Variants in LDLRAP1 observed in about 807,000 individuals in gnomAD.
The protein encoded by LDLRAP1 is low density lipoprotein receptor adaptor protein 1.
In LDLRAP1, 30 loss-of-function variants were observed where a neutral mutation model predicts 37.8. The observed-to-expected ratio is 0.79, with a 90% CI of 0.59 to 1.08. The LOEUF is 1.08. Ranked by LOEUF, LDLRAP1 falls within the 50% of genes least tolerant of loss-of-function variation. The pLI is 0.00. For synonymous variants in LDLRAP1, 156 were observed against 169.8 expected (o/e 0.92, Z 0.63); for missense variants, 375 against 401.6 (o/e 0.93, Z 0.57).
the LDLRAP1 span, among the ~76,000 whole-genome samples, chr1:25,585,765 C>G: frequency 1.3e-5 from 2 of 152,318 alleles, no homozygotes; most frequent in East Asian, 3.9e-4. Flanking sequence ...TTTCTACTGC[C>G]TACTCCTGGG....
At chr1:25,553,677 A>T (rs1304411985) in intron 1 of LDLRAP1, 1 of 502,986 alleles carries the variant, frequency 2.0e-6, no homozygotes, top group Non-Finnish European at 3.6e-6. Context: ...AGGCAGAGGC[A>T]GGAGAATCGC....
intron 4 of LDLRAP1, among the ~76,000 whole-genome samples, chr1:25,560,093 T>G (rs1572046237): frequency 6.6e-6 from 1 of 150,952 alleles, no homozygotes; most frequent in African/African-American, 2.4e-5. Flanking sequence ...GGGTGGGGAG[T>G]GCACACCAGC....
chr1:25,549,139 A>G (rs995222153), intron 1 of LDLRAP1, among the ~76,000 whole-genome samples: 2 of 152,270 alleles, frequency 1.3e-5, no homozygotes, highest in Non-Finnish European at 2.9e-5. Flanking sequence ...GACTTCTGAA[A>G]TTTTCCTAGT....
At chr1:25,545,576 A>G (rs1025501548) in intron 1 of LDLRAP1, among the ~76,000 whole-genome samples, 5 of 151,882 alleles carry the variant, frequency 3.3e-5, no homozygotes, top group Non-Finnish European at 5.9e-5. Flanking sequence ...CTGTGGTGAG[A>G]TGGGTTTTGG....
chr1:25,583,191 G>GT, the LDLRAP1 span, among the ~76,000 whole-genome samples: 2 of 146,486 alleles, frequency 1.4e-5, no homozygotes. Flanking sequence ...CTTTTTTGGG[G>GT]ATTTTTTTTT....
downstream of LDLRAP1, among the ~76,000 whole-genome samples, chr1:25,570,008 G>T (rs2044581779): frequency 6.6e-6 from 1 of 152,220 alleles, no homozygotes; most frequent in Admixed American, 6.5e-5. Context: ...CCACTCTCCG[G>T]AGATTCCCCA....
the LDLRAP1 span, among the ~76,000 whole-genome samples, chr1:25,579,291 C>A: frequency 5.3e-5 from 8 of 152,166 alleles, no homozygotes; most frequent in African/African-American, 1.7e-4. Context: ...AGATCTGCAC[C>A]AGGATCCACC....
the LDLRAP1 span, among the ~76,000 whole-genome samples, chr1:25,583,189 G>T: frequency 6.7e-6 from 1 of 149,820 alleles, no homozygotes; most frequent in Non-Finnish European, 1.5e-5. Flanking sequence ...GGCTTTTTTG[G>T]GGATTTTTTT....
chr1:25,573,887 T>C, the LDLRAP1 span, among the ~76,000 whole-genome samples: 2 of 152,184 alleles, frequency 1.3e-5, no homozygotes, highest in African/African-American at 2.4e-5. Context: ...ATGCCAGGCG[T>C]CTGGAACATG....
chr1:25,577,546 G>C, the LDLRAP1 span, among the ~76,000 whole-genome samples: 1 of 152,190 alleles, frequency 6.6e-6, no homozygotes, highest in Non-Finnish European at 1.5e-5. Context: ...GATGAGCGTC[G>C]AGCCTGGTGT....
chr1:25,579,455 C>T, the LDLRAP1 span, among the ~76,000 whole-genome samples: 1 of 152,230 alleles, frequency 6.6e-6, no homozygotes, highest in Non-Finnish European at 1.5e-5. Context: ...AGCTCAGCTG[C>T]CGCTGTCACG....
At position 25,562,501 on chromosome 1, in the gene LDLRAP1, G is replaced by A. The variant is rs145238314; in HGVS notation, c.460-143G>A. On this transcript the variant is annotated intron_variant, in intron 4 of 8. Transcript: ENST00000374338. ...GCCAGGACCCTGCTCTGCCCAGCAG[G>A]CATTCCAGAGCCTGGGATGGAGCTG... 1.0e-3 allele frequency: 724 copies of A among 709,466 alleles called. 7 individuals carry two copies. The African/African-American group carries it at 0.011, about 11-fold the overall frequency. The allele number at this position is 709,466 out of a possible 1,614,324, so 43.9% of individuals were successfully genotyped here. A position where few individuals can be genotyped will look rare whatever the true frequency, so the allele number is the denominator to read the frequency against.
chr1:25,566,964 C>T lies in LDLRAP1; in HGVS notation c.899C>T (p.Thr300Ile). The change falls in exon 9 of 9, where the codon ACA (threonine) becomes ATA (isoleucine). Residue 300 changes from threonine to isoleucine, a missense_variant. By Grantham distance (89) the Thr-to-Ile change is moderately conservative. Coordinates refer to ENST00000374338, the MANE Select transcript of LDLRAP1 (RefSeq NM_015627.3). The stretch of plus-strand genomic sequence containing the variant: ...TGGGACAAGCCTGACAGCAGCGGCA[C>T]AGAGCAGGATGACCTCTTCAGCTTC... ...VDWDKPDSSG[T>I]EQDDLFSF is the part of the protein sequence containing the mutation. 1 of 1,613,532 alleles carries T rather than the reference C, an allele frequency of 6.2e-7. No homozygotes were observed. Among genetic ancestry groups the T allele is most frequent in the Non-Finnish European group, 8.5e-7 (1 of 1,180,024 alleles).
chr1:25,557,287 G>T lies in LDLRAP1; in HGVS notation c.459+20G>T. On this transcript the variant is annotated intron_variant, in intron 4 of 8. Transcript: ENST00000374338. ...AAGATGGTCAGCGGGGAGGGCTGGG[G>T]CGGGGACAGGGTCCAGTGGCCTTGG... 2 of 1,586,836 alleles carry T rather than the reference G, an allele frequency of 1.3e-6. No individual in the cohort carries two copies. The highest frequency in any genetic ancestry group is 1.7e-6 in the Non-Finnish European group (2 of 1,155,068).
intron 4 of LDLRAP1, among the ~76,000 whole-genome samples, chr1:25,558,825 G>A (rs909117567): frequency 6.6e-6 from 1 of 152,172 alleles, no homozygotes; most frequent in Non-Finnish European, 1.5e-5. Flanking sequence ...CGGGTCTCAG[G>A]GATTAGGATG....
intron 4 of LDLRAP1, among the ~76,000 whole-genome samples, chr1:25,559,043 T>C (rs569760349): frequency 6.6e-6 from 1 of 152,314 alleles, no homozygotes; most frequent in South Asian, 2.1e-4. Flanking sequence ...CCCCGGGTTC[T>C]TTTGAACACC....
rs753555554 is a variant in LDLRAP1 at position 25,554,898 on chromosome 1, G to GAT, written c.271_272insTA (p.Lys91IlefsTer10). The GAT allele has an allele frequency of 1.9e-6, 3 of 1,614,100 alleles. No homozygotes were observed. The African/African-American group carries it at 4.0e-5, about 22-fold the overall frequency. ...GGAAGAAGCTGCAGAAGGTGACTCT[G>GAT]AAGGTGTCGCCACGGGGAATTATCC... On this transcript the variant is annotated frameshift_variant, in exon 3 of 9. Coordinates refer to ENST00000374338, the MANE Select transcript of LDLRAP1 (RefSeq NM_015627.3). LOFTEE classifies it high-confidence loss of function. The surrounding 1 kb of genome is among the most constrained non-coding windows in gnomAD (Gnocchi z 5.4).
intron 4 of LDLRAP1, 64 bp downstream of exon 4, chr1:25,557,331 G>A: frequency 1.5e-6 from 2 of 1,293,736 alleles, no homozygotes; most frequent in Non-Finnish European, 2.2e-6. Context: ...CTCTGGGTGG[G>A]GGGCTGTCTG....
At chr1:25,575,434 A>AC in the LDLRAP1 span, among the ~76,000 whole-genome samples, 1 of 151,002 alleles carries the variant, frequency 6.6e-6, no homozygotes, top group Non-Finnish European at 1.5e-5. Context: ...AAAAAAAAAA[A>AC]AAAAAAAAAA....
Sources: allele counts gnomAD v4.1 joint callset (sites outside exome capture counted in the v4.1 genomes callset), GRCh38; gene constraint gnomAD v4.1.1; non-coding constraint Gnocchi (gnomAD v3.1); transcripts MANE v1.5; gene names NCBI Gene and HGNC (gene_info 2026-07-23, HGNC 2026-07-21).